Variants in NAB1 observed in about 807,000 individuals in gnomAD.
NAB1 encodes the protein NGFI-A-binding protein 1.
Under a neutral mutation model 49.9 loss-of-function variants are expected in NAB1, and 25 were observed. That is an observed-to-expected ratio of 0.50 (90% CI 0.37 to 0.70). The LOEUF (loss-of-function observed/expected upper bound fraction) is 0.70, where lower values mean the gene tolerates loss of function less well. Ranked by LOEUF, NAB1 falls within the 30% of genes least tolerant of loss-of-function variation. The pLI is 0.00. For missense variants in NAB1, 489 were observed against 575.9 expected, an observed-to-expected ratio of 0.85 and a Z score of 1.54; for synonymous variants, 198 against 215.6, an observed-to-expected ratio of 0.92 and a Z score of 0.71.
intron 9 of NAB1, among the ~76,000 whole-genome samples, chr2:190,687,741 T>G (rs1033653976): frequency 2.0e-5 from 3 of 152,130 alleles, no homozygotes; most frequent in Non-Finnish European, 4.4e-5. Flanking sequence ...TTCCGAACAA[T>G]GACAGGGAAA....
chr2:190,659,366 C>T lies in NAB1; in HGVS notation c.190C>T (p.His64Tyr). The T allele has an allele frequency of 6.2e-7, 1 of 1,614,150 alleles. No homozygotes were observed. Among genetic ancestry groups the T allele is most frequent in the Non-Finnish European group, 8.5e-7 (1 of 1,180,038 alleles). ...ALVGMASKPL[H>Y]VRRLQKALRD... Reference sequence around the variant, plus strand: ...CGTGGGCATGGCTAGCAAGCCCCTTCATGTTAGAAGGCTGCAGAAGGCTTT... The same window carrying T: ...CGTGGGCATGGCTAGCAAGCCCCTTTATGTTAGAAGGCTGCAGAAGGCTTT... Residue 64 changes from histidine to tyrosine, a missense_variant, in exon 4 of 10, where the codon CAT becomes TAT. Physicochemically the swap from His to Tyr is moderately conservative, Grantham distance 83. Coordinates refer to ENST00000337386, the MANE Select transcript of NAB1 (RefSeq NM_005966.4). This position sits in a 1 kb window ranked among gnomAD's most constrained non-coding sequence, Gnocchi z 6.2.
intron 9 of NAB1, among the ~76,000 whole-genome samples, chr2:190,688,407 G>GT (rs1463640271): frequency 2.0e-5 from 3 of 152,174 alleles, no homozygotes; most frequent in Non-Finnish European, 4.4e-5. Flanking sequence ...TTCTGGTACT[G>GT]TGACTTTAAA....
rs142015913 is a variant in NAB1 at position 190,680,202 on chromosome 2, G to A, written c.1006-3536G>A. ...GATGGGCTTTCTGAAATGCAAATCC[G>A]ATCAGTCTCTTCCCTGAGACTTTCA... is the stretch of plus-strand genomic sequence containing the variant. On this transcript the variant is annotated intron_variant, in intron 6 of 9. Transcript: ENST00000337386. The surrounding 1 kb of genome is among the most constrained non-coding windows in gnomAD (Gnocchi z 5.2). Among the ~76,000 whole-genome samples, 4 of 152,102 alleles carry A rather than the reference G, an allele frequency of 2.6e-5. No individual in the cohort carries two copies. The highest frequency in any genetic ancestry group is 4.4e-5 in the Non-Finnish European group (3 of 68,016).
chr2:190,659,007 A>T lies in NAB1; in HGVS notation c.-19-151A>T. On this transcript the variant is annotated intron_variant, in intron 3 of 9. Transcript: ENST00000337386. This position sits in a 1 kb window ranked among gnomAD's most constrained non-coding sequence, Gnocchi z 6.2. The stretch of plus-strand genomic sequence containing the variant: ...AAGGTTTTTAGGAGTTCAGAATGAG[A>T]TAAAGTATGTAGAGAGAATGCTGCC... 1 of 582,706 alleles carries T rather than the reference A, an allele frequency of 1.7e-6. No homozygotes were observed. Among genetic ancestry groups the T allele is most frequent in the Non-Finnish European group, 3.0e-6 (1 of 333,900 alleles). The allele number at this position is 582,706 out of a possible 1,614,324, so 36.1% of individuals were successfully genotyped here.
In NAB1 at chr2:190,657,130, A is replaced by G. The variant is rs1559225180; in HGVS notation, c.-20+977A>G. Among the ~76,000 whole-genome samples, 2 of 152,188 alleles carry G rather than the reference A, an allele frequency of 1.3e-5. No homozygotes were observed. Among genetic ancestry groups the G allele is most frequent in the Non-Finnish European group, 2.9e-5 (2 of 68,036 alleles). On this transcript the variant is annotated intron_variant, in intron 3 of 9. Transcript: ENST00000337386. This position sits in a 1 kb window ranked among gnomAD's most constrained non-coding sequence, Gnocchi z 4.4. Reference sequence around the variant, plus strand: ...GTAAATGTCCTTTCTTCCACCTCCAACACTTTATAGCAGCCCTTCTATTTG... The same window carrying G: ...GTAAATGTCCTTTCTTCCACCTCCAGCACTTTATAGCAGCCCTTCTATTTG...
In NAB1 at chr2:190,659,759, G is replaced by T. The variant is rs1197319653; in HGVS notation, c.583G>T (p.Ala195Ser). The T allele has an allele frequency of 6.2e-7, 1 of 1,614,104 alleles. No homozygotes were observed. Among genetic ancestry groups the T allele is most frequent in the Non-Finnish European group, 8.5e-7 (1 of 1,179,974 alleles). Residue 195 changes from alanine (A) to serine (S), a missense_variant, in exon 4 of 10, where the codon GCT becomes TCT. This residue lies in a region of NAB1 where 204 missense variants were observed against 220.9 expected (regional missense o/e 0.92). Transcript: ENST00000337386. This position sits in a 1 kb window ranked among gnomAD's most constrained non-coding sequence, Gnocchi z 6.2. ...GAGCAGTGAGGCGCTGGATGCTGCT[G>T]CTGCGCTCTCTGTGGCTGAGTGTGT... ...KESSEALDAAAALSVAECVER... is the reference protein window; with the variant it reads ...KESSEALDAASALSVAECVER...
Position 190,673,046 on chromosome 2 carries a change from T to A in NAB1, c.954-55T>A. ...GTTATAGGCTGAGATGCCTTTGGAA[T>A]AAAATCAGTTACTTTCTCAAGTTTT... On this transcript the variant is annotated intron_variant, in intron 5 of 9. Coordinates refer to ENST00000337386, the MANE Select transcript of NAB1 (RefSeq NM_005966.4). 3 of 1,563,656 alleles carry A rather than the reference T, an allele frequency of 1.9e-6. No homozygotes were observed. In the South Asian group the frequency reaches 3.4e-5, roughly 18 times the overall value.
chr2:190,685,603 C>T lies in NAB1; in HGVS notation c.1223C>T (p.Pro408Leu), dbSNP rs1695567218. The part of the protein sequence containing the change: ...LYRQSSEEHS[P>L]NGLTSDNSDG... ...AGGCAGAGCTCAGAAGAGCACAGTC[C>T]TAACGGCTTGACTTCCGATAACTCA... The change falls in exon 8 of 10, where the codon CCT (proline) becomes CTT (leucine). Residue 408 changes from proline (P) to leucine (L), a missense_variant. Physicochemically the swap from Pro to Leu is moderately conservative, Grantham distance 98. Around this residue, in one of 4 missense-constraint regions of NAB1, gnomAD observed 212 missense variants for 199.3 expected, o/e 1.06. Transcript: ENST00000337386. The surrounding 1 kb of genome is among the most constrained non-coding windows in gnomAD (Gnocchi z 4.5). 1 of 1,611,514 alleles carries T rather than the reference C, an allele frequency of 6.2e-7. No homozygotes were observed. The highest frequency in any genetic ancestry group is 1.1e-5 in the South Asian group (1 of 90,566).
chr2:190,662,937 C>G (rs764295376), intron 4 of NAB1, among the ~76,000 whole-genome samples: 2 of 152,110 alleles, frequency 1.3e-5, no homozygotes, highest in Non-Finnish European at 1.5e-5. Flanking sequence ...ACAGTGATGC[C>G]AAGCTTAGGT....
Position 190,659,270 on chromosome 2 carries a change from C to T in NAB1, c.94C>T (p.Gln32Ter). The T allele has an allele frequency of 6.2e-7, 1 of 1,613,988 alleles. No homozygotes were observed. Among genetic ancestry groups the T allele is most frequent in the Non-Finnish European group, 8.5e-7 (1 of 1,179,992 alleles). ...NLLSYFDAFI[Q>*]QGGDDVQQLC... The stretch of plus-strand genomic sequence containing the variant: ...ACTTTCTTATTTTGATGCCTTTATC[C>T]AACAAGGTGGTGATGATGTCCAGCA... The change falls in exon 4 of 10, where the codon CAA becomes TAA. Residue 32 changes from glutamine (Q) to a stop codon, truncating the protein, a stop_gained. Coordinates refer to ENST00000337386, the MANE Select transcript of NAB1 (RefSeq NM_005966.4). LOFTEE classifies it high-confidence loss of function. The surrounding 1 kb of genome is among the most constrained non-coding windows in gnomAD (Gnocchi z 6.2).
rs1298815480 is a variant in NAB1, at chr2:190,649,118, C to G, written c.-576C>G. 3.5e-5 allele frequency: 5 copies of G among 142,008 alleles called. No individual in the cohort carries two copies. The East Asian group carries it at 8.5e-4, about 24-fold the overall frequency. 8.8% of individuals were successfully genotyped at this position (142,008 alleles called of 1,614,324 possible). ...CCCGCGCGCCGCAGCCTGGAGGAGC[C>G]GCCGCCGCCGCCGCGGCCAAGCGAG... On this transcript the variant is annotated 5_prime_UTR_variant, in exon 1 of 10. Transcript: ENST00000337386. This position sits in a 1 kb window ranked among gnomAD's most constrained non-coding sequence, Gnocchi z 6.1.
rs1349381584 is a variant in NAB1, at chr2:190,659,086, G to A, written c.-19-72G>A. 6 of 994,792 alleles carry A rather than the reference G, an allele frequency of 6.0e-6. No homozygotes were observed. In the African/African-American group the frequency reaches 6.6e-5, roughly 11 times the overall value. The allele number at this position is 994,792 out of a possible 1,614,324, so 61.6% of individuals were successfully genotyped here. A position where few individuals can be genotyped will look rare whatever the true frequency, so the allele number is the denominator to read the frequency against. On this transcript the variant is annotated intron_variant, in intron 3 of 9. Transcript: ENST00000337386. This position sits in a 1 kb window ranked among gnomAD's most constrained non-coding sequence, Gnocchi z 6.2. ...CTCGTTTTTGTTCTTAAAACCTGTA[G>A]TGTAACCTATTTGGTGTAAGGAGTT...
At chr2:190,687,043 T>C (rs1389391183) in intron 8 of NAB1, among the ~76,000 whole-genome samples, 158 bp from the exon 9 acceptor site, 1 of 152,188 alleles carries the variant, frequency 6.6e-6, no homozygotes, top group Non-Finnish European at 1.5e-5. Flanking sequence ...CCTCTTAAAT[T>C]ATTATTTAAA....
intron 4 of NAB1, among the ~76,000 whole-genome samples, chr2:190,662,983 G>T (rs1694302767): frequency 6.6e-6 from 1 of 152,302 alleles, no homozygotes; most frequent in East Asian, 1.9e-4. Flanking sequence ...TCAAGGCTGA[G>T]TGTTTCAGAG....
rs1693905632 is a variant in NAB1 at position 190,656,071 on chromosome 2, A to G, written c.-102A>G. ...GGCCTCCGAGTTAGCTTTTGAATGCAGTTAACTGGTTTCTCTTAACTGTGG... is the reference window on the plus strand; with the variant it reads ...GGCCTCCGAGTTAGCTTTTGAATGCGGTTAACTGGTTTCTCTTAACTGTGG... On this transcript the variant is annotated 5_prime_UTR_variant, in exon 3 of 10. Transcript: ENST00000337386. The G allele has an allele frequency of 1.3e-5, 2 of 152,236 alleles. No individual in the cohort carries two copies. The highest frequency in any genetic ancestry group is 4.8e-5 in the African/African-American group (2 of 41,456). The allele number at this position is 152,236 out of a possible 1,614,324, so 9.4% of individuals were successfully genotyped here. A position where few individuals can be genotyped will look rare whatever the true frequency, so the allele number is the denominator to read the frequency against.
At position 190,657,748 on chromosome 2, in the gene NAB1, G is replaced by A. The variant is rs1238424468; in HGVS notation, c.-19-1410G>A. Among the ~76,000 whole-genome samples, 2 of 152,186 alleles carry A rather than the reference G, an allele frequency of 1.3e-5. No individual in the cohort carries two copies. Among genetic ancestry groups the A allele is most frequent in the African/African-American group, 2.4e-5 (1 of 41,442 alleles). ...CATTCTCCTGGCTTGGAGTGACTGA[G>A]ACTAGAATTTTGTGTAGCATTCTGA... On this transcript the variant is annotated intron_variant, in intron 3 of 9. Coordinates refer to ENST00000337386, the MANE Select transcript of NAB1 (RefSeq NM_005966.4). The surrounding 1 kb of genome is among the most constrained non-coding windows in gnomAD (Gnocchi z 4.4).
intron 3 of NAB1, among the ~76,000 whole-genome samples, chr2:190,658,482 G>T (rs955646170): frequency 1.3e-5 from 2 of 152,182 alleles, no homozygotes; most frequent in Non-Finnish European, 2.9e-5. Context: ...ATCAATAAAT[G>T]TCAATAAAGA....
Position 190,666,357 on chromosome 2 carries a change from T to G in NAB1, c.820-3969T>G, listed in dbSNP as rs1047696883. On this transcript the variant is annotated intron_variant, in intron 4 of 9. Coordinates refer to ENST00000337386, the MANE Select transcript of NAB1 (RefSeq NM_005966.4). The surrounding 1 kb of genome is among the most constrained non-coding windows in gnomAD (Gnocchi z 5.6). ...TTAGGAATCAGTAAACCACTCTTCT[T>G]AAGGATAAAGATAACTGTAGTAAGT... 6.6e-6 allele frequency among the ~76,000 whole-genome samples: 1 copy of G among 152,210 alleles called. No individual in the cohort carries two copies. The highest frequency in any genetic ancestry group is 3.2e-3 in the Middle Eastern group (1 of 316).
At position 190,659,699 on chromosome 2, in the gene NAB1, C is replaced by T; in HGVS notation, c.523C>T (p.Pro175Ser). The change falls in exon 4 of 10, where the codon CCA becomes TCA. Residue 175 changes from proline (P) to serine (S), a missense_variant. Around this residue, in one of 4 missense-constraint regions of NAB1, gnomAD observed 204 missense variants for 220.9 expected, o/e 0.92. Coordinates refer to ENST00000337386, the MANE Select transcript of NAB1 (RefSeq NM_005966.4). This position sits in a 1 kb window ranked among gnomAD's most constrained non-coding sequence, Gnocchi z 6.2. Reference protein sequence around the residue: ...HATESEHSLSPADLGSPASPK... With the variant: ...HATESEHSLSSADLGSPASPK... Reference sequence around the variant, plus strand: ...CACTGAGAGCGAGCACAGCCTCTCCCCAGCAGACCTGGGCTCCCCCGCGTC... The same window carrying T: ...CACTGAGAGCGAGCACAGCCTCTCCTCAGCAGACCTGGGCTCCCCCGCGTC... 1 of 1,613,806 alleles carries T rather than the reference C, an allele frequency of 6.2e-7. No individual in the cohort carries two copies. The highest frequency in any genetic ancestry group is 8.5e-7 in the Non-Finnish European group (1 of 1,179,972).
Sources: gnomAD v4.1 joint callset for allele counts (sites outside exome capture counted in the v4.1 genomes callset) on GRCh38, gnomAD v4.1.1 for gene constraint, gnomAD v4.1.1 regional missense constraint, Gnocchi (gnomAD v3.1) non-coding constraint, MANE v1.5 for transcripts, NCBI Gene and HGNC (gene_info 2026-07-23, HGNC 2026-07-21) for gene names.